KCND2: variants seen among roughly 807,000 people sequenced by gnomAD.
The protein encoded by KCND2 is potassium voltage-gated channel subfamily D member 2, also known as A-type voltage-gated potassium channel KCND2.
In KCND2, 16 loss-of-function variants were observed where a neutral mutation model predicts 54.4. The ratio of observed to expected loss-of-function variants is 0.29; its 90% CI spans 0.20 to 0.45. The LOEUF (loss-of-function observed/expected upper bound fraction) is 0.45, where lower values mean the gene tolerates loss of function less well. Among genes scored for constraint, KCND2 ranks in the 20% least tolerant of loss-of-function variants. The probability of loss-of-function intolerance (pLI) is 1.00; values close to 1 mark genes in which losing one functional copy is unlikely to be tolerated. For synonymous variants in KCND2, 317 were observed against 310.7 expected (o/e 1.02, Z -0.21); for missense variants, 486 against 824.2 (o/e 0.59, Z 5.02).
At chr7:120,488,574 A>G (rs1802727186) in intron 1 of KCND2, among the ~76,000 whole-genome samples, 2 of 152,116 alleles carry the variant, frequency 1.3e-5, no homozygotes, top group Non-Finnish European at 2.9e-5. Context: ...CAAAGTGAAT[A>G]TATTATCGTA....
At chr7:120,403,862 C>T (rs1382621092) in intron 1 of KCND2, among the ~76,000 whole-genome samples, 2 of 151,518 alleles carry the variant, frequency 1.3e-5, no homozygotes, top group Non-Finnish European at 2.9e-5. Context: ...CTTCTTCTGC[C>T]TATAAAAAAA....
At chr7:120,407,386 A>G (rs939303503) in intron 1 of KCND2, among the ~76,000 whole-genome samples, 1 of 151,920 alleles carries the variant, frequency 6.6e-6, no homozygotes, top group African/African-American at 2.4e-5. Context: ...TTATAAACAA[A>G]CCCCCCAAAA....
At chr7:120,524,297 G>A (rs190168357) in intron 1 of KCND2, among the ~76,000 whole-genome samples, 5 of 152,044 alleles carry the variant, frequency 3.3e-5, no homozygotes, top group Non-Finnish European at 5.9e-5. Context: ...AGAATAATAA[G>A]GTAAGGAGCT....
chr7:120,662,537 T>G (rs1317876181), intron 1 of KCND2, among the ~76,000 whole-genome samples: 1 of 152,188 alleles, frequency 6.6e-6, no homozygotes, highest in African/African-American at 2.4e-5. Flanking sequence ...ATAGCCATGC[T>G]TTACAAAGAA....
intron 1 of KCND2, among the ~76,000 whole-genome samples, chr7:120,425,436 A>G (rs114541102): frequency 4.4e-4 from 67 of 152,380 alleles, no homozygotes; most frequent in African/African-American, 8.7e-4. Context: ...TGAGGAATTA[A>G]TATGTTCAGA....
chr7:120,356,804 A>G (rs1800512552), intron 1 of KCND2, among the ~76,000 whole-genome samples: 1 of 151,958 alleles, frequency 6.6e-6, no homozygotes, highest in African/African-American at 2.4e-5. Flanking sequence ...TATCGTTATT[A>G]TTTTTCTTTT....
intron 1 of KCND2, among the ~76,000 whole-genome samples, chr7:120,477,641 G>T (rs910536146): frequency 3.3e-5 from 5 of 151,500 alleles, no homozygotes; most frequent in African/African-American, 1.2e-4. Flanking sequence ...TTAATTGGAT[G>T]AAAAAAAAGA....
chr7:120,575,288 G>C lies in KCND2; in HGVS notation c.1116-157615G>C, dbSNP rs187980910. The stretch of plus-strand genomic sequence containing the variant: ...CTTCAGTCTATGGTCAAAAGCCTAA[G>C]AGCCCCTGGCAAACCACTGGTGTAA... On this transcript the variant is annotated intron_variant, in intron 1 of 5. Coordinates refer to ENST00000331113, the MANE Select transcript of KCND2 (RefSeq NM_012281.3). Among the ~76,000 whole-genome samples, 15 of 152,260 alleles carry C rather than the reference G, an allele frequency of 9.9e-5. No homozygotes were observed. In the East Asian group the frequency reaches 2.9e-3, roughly 29 times the overall value.
At chr7:120,471,930 A>G (rs1802459714) in intron 1 of KCND2, among the ~76,000 whole-genome samples, 1 of 151,962 alleles carries the variant, frequency 6.6e-6, no homozygotes, top group African/African-American at 2.4e-5. Context: ...AAAAAACCTC[A>G]AAGAACAACT....
intron 1 of KCND2, among the ~76,000 whole-genome samples, chr7:120,397,991 GTGTGTATATATATATA>G (rs1377777495): frequency 2.1e-4 from 8 of 37,836 alleles, no homozygotes; most frequent in African/African-American, 4.0e-4. Flanking sequence ...GTGTGTGTGT[GTGTGTATATATATATA>G]TATATATATA....
chr7:120,320,300 A>G (rs932765628), intron 1 of KCND2, among the ~76,000 whole-genome samples: 13 of 152,194 alleles, frequency 8.5e-5, no homozygotes, highest in Non-Finnish European at 1.3e-4. Context: ...ATTAACTTCT[A>G]TAAGAAGTGT....
intron 1 of KCND2, among the ~76,000 whole-genome samples, chr7:120,348,686 T>A (rs1800359649): frequency 6.6e-6 from 1 of 152,238 alleles, no homozygotes; most frequent in South Asian, 2.1e-4. Flanking sequence ...AGGAAAGCTA[T>A]GACCTCATGA....
chr7:120,609,131 A>G (rs892489557), intron 1 of KCND2, among the ~76,000 whole-genome samples: 19 of 151,684 alleles, frequency 1.3e-4, no homozygotes, highest in African/African-American at 4.6e-4. Context: ...TTTTTTCTGT[A>G]CAGTTAAGAA....
chr7:120,559,027 ATGTG>A (rs1425678499), intron 1 of KCND2, among the ~76,000 whole-genome samples: 2 of 150,672 alleles, frequency 1.3e-5, no homozygotes, highest in Non-Finnish European at 3.0e-5. Flanking sequence ...CTGTGTGTGT[ATGTG>A]TGTGTGTATG....
At chr7:120,589,925 A>C (rs2116456343) in intron 1 of KCND2, among the ~76,000 whole-genome samples, 1 of 152,218 alleles carries the variant, frequency 6.6e-6, no homozygotes, top group East Asian at 1.9e-4. Flanking sequence ...CACTTTATGC[A>C]CTTTCAGTCA....
At chr7:120,465,321 G>C (rs569203097) in intron 1 of KCND2, among the ~76,000 whole-genome samples, 2 of 151,748 alleles carry the variant, frequency 1.3e-5, no homozygotes, top group Non-Finnish European at 2.9e-5. Context: ...ATGTGTAATC[G>C]GTGTACCAAA....
intron 1 of KCND2, among the ~76,000 whole-genome samples, chr7:120,617,653 C>T (rs567896480): frequency 6.6e-6 from 1 of 152,196 alleles, no homozygotes; most frequent in South Asian, 2.1e-4. Context: ...GGTGTATACC[C>T]AAAGGAATAT....
chr7:120,419,129 C>T (rs1239535924), intron 1 of KCND2, among the ~76,000 whole-genome samples: 1 of 152,006 alleles, frequency 6.6e-6, no homozygotes, highest in Non-Finnish European at 1.5e-5. Flanking sequence ...CAAAAAAGTA[C>T]TGTTCCTGTT....
At chr7:120,706,374 T>C (rs1792468798) in intron 1 of KCND2, among the ~76,000 whole-genome samples, 1 of 152,204 alleles carries the variant, frequency 6.6e-6, no homozygotes, top group Non-Finnish European at 1.5e-5. Flanking sequence ...CCCTCAGTTC[T>C]GGATGCTGGG....
Sources: allele counts gnomAD v4.1 joint callset (sites outside exome capture counted in the v4.1 genomes callset), GRCh38; gene constraint gnomAD v4.1.1; transcripts MANE v1.5; gene names NCBI Gene and HGNC (gene_info 2026-07-23, HGNC 2026-07-21).